The following HNF1A variants were observed in gnomAD, a reference collection of about 807,000 sequenced individuals.
HNF1A encodes hepatocyte nuclear factor 1-alpha.
HNF1A carries 21 observed loss-of-function variants against 62.2 expected under a neutral mutation model. The ratio of observed to expected loss-of-function variants is 0.34; its 90% CI spans 0.24 to 0.49. The LOEUF (loss-of-function observed/expected upper bound fraction) is 0.49, where lower values mean the gene tolerates loss of function less well. Ranked by LOEUF, HNF1A falls within the 20% of genes least tolerant of loss-of-function variation. HNF1A has a pLI of 0.99. For synonymous variants in HNF1A, 374 were observed against 366.8 expected (o/e 1.02, Z -0.22); for missense variants, 687 against 832.3 (o/e 0.83, Z 2.15).
intron 1 of HNF1A, among the ~76,000 whole-genome samples, chr12:120,985,146 A>G (rs1446212332): frequency 6.6e-6 from 1 of 151,458 alleles, no homozygotes; most frequent in Non-Finnish European, 1.5e-5. Flanking sequence ...GGGTCCCACT[A>G]TGTTGTCCAG....
At chr12:120,990,538 G>A (rs549638817) in intron 2 of HNF1A, among the ~76,000 whole-genome samples, 1 of 151,862 alleles carries the variant, frequency 6.6e-6, no homozygotes, top group East Asian at 1.9e-4. Flanking sequence ...CCAGGGGTTC[G>A]GCTCCAACCT....
intron 2 of HNF1A, 22 bp downstream of exon 2, chr12:120,989,054 C>T: frequency 6.2e-7 from 1 of 1,612,336 alleles, no homozygotes; most frequent in Non-Finnish European, 8.5e-7. Flanking sequence ...CCCTACCCCG[C>T]ATCTTCCCTG....
At chr12:120,990,652 G>GGAGGAAAGA (rs1471922681) in intron 2 of HNF1A, among the ~76,000 whole-genome samples, 68 of 96,560 alleles carry the variant, frequency 7.0e-4, no homozygotes, top group Admixed American at 1.1e-3. Context: ...GGGAGGAAAG[G>GGAGGAAAGA]TAGGAAAGGG....
chr12:120,998,274 C>T (rs2135849029), intron 7 of HNF1A: 2 of 123,014 alleles, frequency 1.6e-5, no homozygotes, highest in African/African-American at 2.8e-5. Flanking sequence ...AGAGTGAGTA[C>T]TCTGCCAAAA....
At position 120,991,984 on chromosome 12, in the gene HNF1A, T is replaced by G. The variant is rs116549171; in HGVS notation, c.527-1536T>G. On this transcript the variant is annotated intron_variant, in intron 2 of 9. Transcript: ENST00000257555. ...ATAGAGATGCAAACTGTGGCCCAAA[T>G]AGCTTTCCCTGGGGGATTTTTAACT... is the stretch of plus-strand genomic sequence containing the variant. 7.9e-5 allele frequency among the ~76,000 whole-genome samples: 12 copies of G among 152,236 alleles called. 1 individual carries two copies. The highest frequency in any genetic ancestry group is 7.2e-4 in the Admixed American group (11 of 15,292).
intron 2 of HNF1A, among the ~76,000 whole-genome samples, chr12:120,990,671 T>G (rs536437369): frequency 0.012 from 1,227 of 99,080 alleles, 17 homozygotes; most frequent in African/African-American, 0.051. Flanking sequence ...GGAGGAAAGG[T>G]AGGAAAGGGA....
Position 121,001,863 on chromosome 12 carries a change from C to T in HNF1A, c.*671C>T, listed in dbSNP as rs1279252067. The stretch of plus-strand genomic sequence containing the variant: ...GGCTCTCCTGGCTTCCCATCCCCAG[C>T]GATTCCCTCTCCCAGGCCCCATGAC... On this transcript the variant is annotated 3_prime_UTR_variant, in exon 10 of 10. Coordinates refer to ENST00000257555, the MANE Select transcript of HNF1A (RefSeq NM_000545.8). The T allele has an allele frequency of 1.5e-5, 8 of 520,750 alleles. No individual in the cohort carries two copies. Among genetic ancestry groups the T allele is most frequent in the East Asian group, 7.8e-5 (2 of 25,634 alleles). 32.3% of individuals were successfully genotyped at this position (520,750 alleles called of 1,614,324 possible).
chr12:120,979,837 T>C (rs1876160464), intron 1 of HNF1A: 1 of 152,290 alleles, frequency 6.6e-6, no homozygotes. Flanking sequence ...TTATTATTTC[T>C]CTTTTGTTTT....
Position 120,996,842 on chromosome 12 carries a change from A to ATTCATTCG in HNF1A, c.1309+101_1309+102insTCATTCGT, listed in dbSNP as rs1356325914. On this transcript the variant is annotated intron_variant, in intron 6 of 9. Coordinates refer to ENST00000257555, the MANE Select transcript of HNF1A (RefSeq NM_000545.8). The surrounding 1 kb of genome is among the most constrained non-coding windows in gnomAD (Gnocchi z 4.5). The stretch of plus-strand genomic sequence containing the variant: ...GCCACTGGGACTCATTCATTCATTC[A>ATTCATTCG]TACAACATGTATTTATCCAGTGCCT... 6.4e-7 allele frequency: 1 copy of ATTCATTCG among 1,557,552 alleles called. No homozygotes were observed. Among genetic ancestry groups the ATTCATTCG allele is most frequent in the South Asian group, 1.2e-5 (1 of 84,524 alleles).
At chr12:120,997,759 C>A in intron 7 of HNF1A, 94 bp downstream of exon 7, 1 of 1,272,626 alleles carries the variant, frequency 7.9e-7, no homozygotes, top group Non-Finnish European at 1.1e-6. Context: ...GCATTGCAGT[C>A]TGCATGTGTC....
intron 2 of HNF1A, among the ~76,000 whole-genome samples, chr12:120,989,486 C>G (rs1452196003): frequency 6.6e-6 from 1 of 152,122 alleles, no homozygotes; most frequent in African/African-American, 2.4e-5. Flanking sequence ...TCTCGAACTC[C>G]TGACCTCAGG....
In HNF1A at chr12:120,996,427, C is replaced by T. The variant is rs1005597687; in HGVS notation, c.1107+14C>T. 3.5e-5 allele frequency: 56 copies of T among 1,613,992 alleles called. No individual in the cohort carries two copies. Among genetic ancestry groups the T allele is most frequent in the Non-Finnish European group, 4.4e-5 (52 of 1,180,010 alleles). The stretch of plus-strand genomic sequence containing the variant: ...GAAGCCAAGCTGGTGAGTGTCCTTG[C>T]TTGTAAGGAAAACCCAACCTCATCT... On this transcript the variant is annotated intron_variant, in intron 5 of 9. Coordinates refer to ENST00000257555, the MANE Select transcript of HNF1A (RefSeq NM_000545.8). This position sits in a 1 kb window ranked among gnomAD's most constrained non-coding sequence, Gnocchi z 4.5.
In HNF1A at chr12:121,001,385, C is replaced by A. The variant is rs972789249; in HGVS notation, c.*193C>A. On this transcript the variant is annotated 3_prime_UTR_variant, in exon 10 of 10. Transcript: ENST00000257555. The stretch of plus-strand genomic sequence containing the variant: ...GGCGCCCCAACCCGTGGAGGCTGCT[C>A]GGGGTGCACAGGAGGGGGTCGTGGA... The A allele has an allele frequency of 1.5e-6, 1 of 672,162 alleles. No individual in the cohort carries two copies. The highest frequency in any genetic ancestry group is 2.5e-6 in the Non-Finnish European group (1 of 395,950). The allele number at this position is 672,162 out of a possible 1,614,324, so 41.6% of individuals were successfully genotyped here. A position where few individuals can be genotyped will look rare whatever the true frequency, so the allele number is the denominator to read the frequency against.
Position 120,999,632 on chromosome 12 carries a change from G to A in HNF1A, c.1768+5G>A, listed in dbSNP as rs760129856. On this transcript the variant is annotated splice_donor_5th_base_variant and intron_variant, in intron 9 of 9. Coordinates refer to ENST00000257555, the MANE Select transcript of HNF1A (RefSeq NM_000545.8). ...GGCTCAGCGCCAGCCCCACAGGTGA[G>A]AGGCCCTGGCTCCACCCCCTCCCTT... The A allele has an allele frequency of 6.8e-6, 11 of 1,607,746 alleles. No homozygotes were observed. Among genetic ancestry groups the A allele is most frequent in the South Asian group, 1.1e-5 (1 of 90,880 alleles).
intron 7 of HNF1A, 118 bp from the exon 8 acceptor site, chr12:120,999,149 AC>A: frequency 1.6e-6 from 2 of 1,242,248 alleles, no homozygotes; most frequent in Admixed American, 3.4e-5. Flanking sequence ...TGGATCTCCA[AC>A]TGCTGCCCAG....
At chr12:120,985,716 G>A (rs150427328) in intron 1 of HNF1A, among the ~76,000 whole-genome samples, 6,134 of 151,870 alleles carry the variant, frequency 0.04, 152 homozygotes, top group South Asian at 0.093. Flanking sequence ...TGGGCACGGT[G>A]GCTCACACCT....
chr12:120,986,579 G>A (rs1876520481), intron 1 of HNF1A, among the ~76,000 whole-genome samples: 1 of 151,874 alleles, frequency 6.6e-6, no homozygotes, highest in Non-Finnish European at 1.5e-5. Context: ...GTAACTTTTT[G>A]TTTGTTTGTT....
At position 120,998,791 on chromosome 12, in the gene HNF1A, AG is replaced by A. The variant is rs1477385172; in HGVS notation, c.1502-473del. Among the ~76,000 whole-genome samples, 4 of 152,164 alleles carry A rather than the reference AG, an allele frequency of 2.6e-5. 1 individual carries two copies. The highest frequency in any genetic ancestry group is 5.9e-5 in the Non-Finnish European group (4 of 68,022). On this transcript the variant is annotated intron_variant, in intron 7 of 9. Coordinates refer to ENST00000257555, the MANE Select transcript of HNF1A (RefSeq NM_000545.8). Reference sequence around the variant, plus strand: ...GCTGTCCTCTGCCTTGCTCTTTGACAGGGGCCACCTGAACTTACTACACAGC... The same window carrying A: ...GCTGTCCTCTGCCTTGCTCTTTGACAGGGCCACCTGAACTTACTACACAGC...
In HNF1A at chr12:120,978,605, G is replaced by C; in HGVS notation, c.-164G>C. ...CACGGGCCGCTGGGGCCAGGGTTGG[G>C]GGTTGGGGGTGCCCACAGGGCTTGG... On this transcript the variant is annotated 5_prime_UTR_variant, in exon 1 of 10. Coordinates refer to ENST00000257555, the MANE Select transcript of HNF1A (RefSeq NM_000545.8). The C allele has an allele frequency of 1.4e-6, 1 of 699,168 alleles. No individual in the cohort carries two copies. Among genetic ancestry groups the C allele is most frequent in the Non-Finnish European group, 2.6e-6 (1 of 390,860 alleles). 43.3% of individuals were successfully genotyped at this position (699,168 alleles called of 1,614,324 possible).
Sources: gnomAD v4.1 joint callset for allele counts (sites outside exome capture counted in the v4.1 genomes callset) on GRCh38, gnomAD v4.1.1 for gene constraint, Gnocchi (gnomAD v3.1) non-coding constraint, MANE v1.5 for transcripts, NCBI Gene and HGNC (gene_info 2026-07-23, HGNC 2026-07-21) for gene names.